MAN1A2: variants seen among roughly 807,000 people sequenced by gnomAD.
MAN1A2 encodes mannosidase alpha class 1A member 2, also known as mannosyl-oligosaccharide 1,2-alpha-mannosidase IB.
MAN1A2 carries 26 observed loss-of-function variants against 75.7 expected under a neutral mutation model. The ratio of observed to expected loss-of-function variants is 0.34; its 90% CI spans 0.25 to 0.48. The LOEUF (loss-of-function observed/expected upper bound fraction) is 0.48. MAN1A2 is among the 20% of genes least tolerant of loss of function. The pLI is 0.99. For missense variants in MAN1A2, 562 were observed against 775.5 expected (o/e 0.72, Z 3.27); for synonymous variants, 247 against 264.6 (o/e 0.93, Z 0.65).
chr1:117,442,731 T>G (rs1649078906), intron 6 of MAN1A2, among the ~76,000 whole-genome samples: 1 of 152,078 alleles, frequency 6.6e-6, no homozygotes, highest in African/African-American at 2.4e-5. Flanking sequence ...AAATAGAAAA[T>G]AATATACCTA....
chr1:117,526,917 A>G lies in MAN1A2; in HGVS notation c.*3960A>G, dbSNP rs12068032. 5.1e-3 allele frequency: 678 copies of G among 133,482 alleles called. 7 individuals carry two copies. The highest frequency in any genetic ancestry group is 0.018 in the African/African-American group (632 of 35,118). 8.3% of individuals were successfully genotyped at this position (133,482 alleles called of 1,614,324 possible). A position where few individuals can be genotyped will look rare whatever the true frequency, so the allele number is the denominator to read the frequency against. ...ATATATATATATATATATGAGAGAT[A>G]TATGAGATATATGAGAGATCAAGAT... is the stretch of plus-strand genomic sequence containing the variant. On this transcript the variant is annotated 3_prime_UTR_variant, in exon 13 of 13. Transcript: ENST00000356554.
Position 117,522,298 on chromosome 1 carries a change from T to G in MAN1A2, c.1794-527T>G, listed in dbSNP as rs557779436. On this transcript the variant is annotated intron_variant, in intron 12 of 12. Coordinates refer to ENST00000356554, the MANE Select transcript of MAN1A2 (RefSeq NM_006699.5). The stretch of plus-strand genomic sequence containing the variant: ...AACAAATTACATAGATAATATGTTA[T>G]GACTAAATGGGTTTATCCCAGGTGT... Among the ~76,000 whole-genome samples the G allele has an allele frequency of 3.3e-5, 5 of 151,934 alleles. No individual in the cohort carries two copies. The East Asian group carries it at 9.6e-4, about 29-fold the overall frequency.
intron 8 of MAN1A2, among the ~76,000 whole-genome samples, chr1:117,474,534 A>T (rs994011686): frequency 4.0e-5 from 6 of 151,350 alleles, no homozygotes; most frequent in Non-Finnish European, 7.4e-5. Flanking sequence ...ATATATCTTT[A>T]GTAAAAATAG....
At chr1:117,446,647 A>G (rs538602440) in intron 6 of MAN1A2, among the ~76,000 whole-genome samples, 1 of 152,278 alleles carries the variant, frequency 6.6e-6, no homozygotes, top group East Asian at 1.9e-4. Flanking sequence ...GATCATAAAA[A>G]TTACAATTTG....
chr1:117,393,754 T>C (rs1418924730), intron 1 of MAN1A2, among the ~76,000 whole-genome samples: 3 of 152,200 alleles, frequency 2.0e-5, no homozygotes, highest in African/African-American at 7.2e-5. Flanking sequence ...TTAACAATAG[T>C]TATCTGCCAA....
intron 2 of MAN1A2, among the ~76,000 whole-genome samples, chr1:117,403,819 C>A (rs114867310): frequency 6.6e-6 from 1 of 151,964 alleles, no homozygotes; most frequent in East Asian, 1.9e-4. Context: ...AAGTAAGTGG[C>A]GAGAATGGAC....
chr1:117,376,724 A>G (rs896893559), intron 1 of MAN1A2, among the ~76,000 whole-genome samples: 3 of 152,250 alleles, frequency 2.0e-5, no homozygotes, highest in African/African-American at 4.8e-5. Flanking sequence ...CTCTGTATCC[A>G]TAGGTTCCAC....
chr1:117,384,474 A>C (rs777803247), intron 1 of MAN1A2, among the ~76,000 whole-genome samples: 1 of 152,094 alleles, frequency 6.6e-6, no homozygotes, highest in Non-Finnish European at 1.5e-5. Flanking sequence ...ACTTTGTATG[A>C]TTTAATATCT....
chr1:117,497,395 A>G (rs1180041552), intron 10 of MAN1A2, among the ~76,000 whole-genome samples: 1 of 151,996 alleles, frequency 6.6e-6, no homozygotes, highest in Non-Finnish European at 1.5e-5. Context: ...AAAGATAACA[A>G]TATTTATCTT....
chr1:117,374,541 T>G (rs1653079839), intron 1 of MAN1A2, among the ~76,000 whole-genome samples: 1 of 152,232 alleles, frequency 6.6e-6, no homozygotes, highest in African/African-American at 2.4e-5. Context: ...CAAAGGGCAT[T>G]CTTTCCAATG....
At chr1:117,386,276 T>A (rs1412138529) in intron 1 of MAN1A2, among the ~76,000 whole-genome samples, 1 of 152,200 alleles carries the variant, frequency 6.6e-6, no homozygotes, top group East Asian at 1.9e-4. Flanking sequence ...ATAAATAGAC[T>A]TTCTAGACTC....
intron 12 of MAN1A2, among the ~76,000 whole-genome samples, chr1:117,506,694 T>C (rs1651384706): frequency 6.6e-6 from 1 of 151,594 alleles, no homozygotes; most frequent in South Asian, 2.1e-4. Flanking sequence ...AGAGTTTGCT[T>C]AACCTGAAAA....
At chr1:117,427,066 CAG>C (rs1648399390) in intron 5 of MAN1A2, among the ~76,000 whole-genome samples, 1 of 152,014 alleles carries the variant, frequency 6.6e-6, no homozygotes. Flanking sequence ...GAAGATATAA[CAG>C]AATCAGCTTC....
At chr1:117,455,591 A>G (rs1475096100) in intron 6 of MAN1A2, among the ~76,000 whole-genome samples, 3 of 152,118 alleles carry the variant, frequency 2.0e-5, no homozygotes, top group Admixed American at 6.5e-5. Flanking sequence ...TTGAAGGACA[A>G]TCTTAACTTT....
chr1:117,493,110 C>T, intron 8 of MAN1A2, 37 bp from the exon 9 acceptor site: 1 of 1,150,906 alleles, frequency 8.7e-7, no homozygotes, highest in Non-Finnish European at 1.3e-6. Context: ...CTTCCCTTGC[C>T]TTTACCTCTA....
intron 8 of MAN1A2, among the ~76,000 whole-genome samples, chr1:117,491,873 G>A (rs1290542): frequency 0.21 from 32,046 of 151,930 alleles, 3,886 homozygotes; most frequent in East Asian, 0.4. Context: ...TGTAGATGTG[G>A]TGGAAATAGC....
At chr1:117,510,751 TG>T (rs1346198379) in intron 12 of MAN1A2, among the ~76,000 whole-genome samples, 1 of 152,110 alleles carries the variant, frequency 6.6e-6, no homozygotes, top group African/African-American at 2.4e-5. Context: ...CTGTTTTGTA[TG>T]CTAGGGCTGC....
intron 8 of MAN1A2, among the ~76,000 whole-genome samples, chr1:117,480,758 C>T (rs914391374): frequency 6.6e-6 from 1 of 151,728 alleles, no homozygotes; most frequent in African/African-American, 2.4e-5. Context: ...ACTGTATCTT[C>T]CCTCTGAACA....
chr1:117,436,870 G>A (rs1648865872), intron 5 of MAN1A2, among the ~76,000 whole-genome samples: 1 of 152,186 alleles, frequency 6.6e-6, no homozygotes, highest in South Asian at 2.1e-4. Context: ...GTAGTCTTGT[G>A]TCTTCTGCCA....
Sources: allele counts gnomAD v4.1 joint callset (sites outside exome capture counted in the v4.1 genomes callset), GRCh38; gene constraint gnomAD v4.1.1; transcripts MANE v1.5; gene names NCBI Gene and HGNC (gene_info 2026-07-23, HGNC 2026-07-21).